The following CDH12 variants were observed in gnomAD, a reference collection of about 807,000 sequenced individuals.
CDH12 encodes cadherin-12.
In CDH12, 41 loss-of-function variants were observed where a neutral mutation model predicts 74.1. That is an observed-to-expected ratio of 0.55 (90% CI 0.43 to 0.72). CDH12 has a LOEUF of 0.72. Ranked by LOEUF, CDH12 falls within the 30% of genes least tolerant of loss-of-function variation. The pLI, the probability that CDH12 is intolerant of heterozygous loss-of-function variation, is 0.00. For synonymous variants in CDH12, 399 were observed against 355.0 expected (o/e 1.12, Z -1.39); for missense variants, 945 against 977.2 (o/e 0.97, Z 0.44).
At chr5:22,054,703 T>G (rs886576565) in intron 5 of CDH12, among the ~76,000 whole-genome samples, 12 of 152,162 alleles carry the variant, frequency 7.9e-5, no homozygotes, top group Admixed American at 5.9e-4. Context: ...AGTCTATTGA[T>G]GTGATTACCT....
intron 2 of CDH12, among the ~76,000 whole-genome samples, chr5:22,430,564 CCT>C (rs1744127378): frequency 6.6e-6 from 1 of 151,868 alleles, no homozygotes. Context: ...TTTTTTCCTC[CCT>C]GAGTGCTGCA....
In CDH12 at chr5:22,091,197, G is replaced by GTATATA. The variant is rs144921991; in HGVS notation, c.-186-12341_-186-12336dup. Among the ~76,000 whole-genome samples, 106 of 132,244 alleles carry GTATATA rather than the reference G, an allele frequency of 8.0e-4. 2 individuals are homozygous for GTATATA. The highest frequency in any genetic ancestry group is 3.6e-3 in the Admixed American group (47 of 13,160). 86.8% of individuals were successfully genotyped at this position (132,244 alleles called of 152,430 possible). ...AATATCCTAAAGTGTGTGTGTGTGTGTATATATATATATATATATATATAG... is the reference window on the plus strand; with the variant it reads ...AATATCCTAAAGTGTGTGTGTGTGTGTATATATATATATATATATATATATATATAG... On this transcript the variant is annotated intron_variant, in intron 4 of 14. Coordinates refer to ENST00000382254, the MANE Select transcript of CDH12 (RefSeq NM_004061.5).
chr5:22,729,554 T>C (rs966331326), intron 1 of CDH12, among the ~76,000 whole-genome samples: 1 of 151,872 alleles, frequency 6.6e-6, no homozygotes, highest in South Asian at 2.1e-4. Flanking sequence ...AGGCATAGAA[T>C]CATCTTGGGG....
At chr5:22,811,480 T>A (rs983530669) in intron 1 of CDH12, among the ~76,000 whole-genome samples, 2 of 152,104 alleles carry the variant, frequency 1.3e-5, no homozygotes, top group African/African-American at 4.8e-5. Context: ...CCTACAGGTG[T>A]GTTACAGTGA....
chr5:22,565,108 G>A lies in CDH12; in HGVS notation c.-522-59744C>T, dbSNP rs1739228206. ...GTGCCACCATGCCCAGCTGATTTTTGTATTCTTAGAAGAGATGGGGTTTCA... is the reference window on the plus strand; with the variant it reads ...GTGCCACCATGCCCAGCTGATTTTTATATTCTTAGAAGAGATGGGGTTTCA... On this transcript the variant is annotated intron_variant, in intron 1 of 14. Transcript: ENST00000382254. Among the ~76,000 whole-genome samples the A allele has an allele frequency of 2.0e-5, 3 of 151,940 alleles. No individual in the cohort carries two copies. In the South Asian group the frequency reaches 6.2e-4, roughly 31 times the overall value.
chr5:22,706,601 A>T (rs1325675139), intron 1 of CDH12, among the ~76,000 whole-genome samples: 3 of 151,910 alleles, frequency 2.0e-5, no homozygotes, highest in African/African-American at 4.8e-5. Flanking sequence ...TCAATTAGAG[A>T]GTATATAATA....
At chr5:22,492,763 G>A (rs975004719) in intron 2 of CDH12, among the ~76,000 whole-genome samples, 4 of 151,938 alleles carry the variant, frequency 2.6e-5, no homozygotes, top group African/African-American at 9.7e-5. Flanking sequence ...CTTAATGGCT[G>A]GCTCCTTCCA....
chr5:21,992,112 G>T (rs565497775), intron 5 of CDH12, among the ~76,000 whole-genome samples: 1 of 151,988 alleles, frequency 6.6e-6, no homozygotes, highest in South Asian at 2.1e-4. Flanking sequence ...AACACATTAA[G>T]AAAGGAATCA....
intron 4 of CDH12, among the ~76,000 whole-genome samples, chr5:22,083,776 T>A (rs1373103540): frequency 1.3e-5 from 2 of 152,094 alleles, no homozygotes; most frequent in Non-Finnish European, 2.9e-5. Context: ...TCCTCTACGG[T>A]GTTGCCCCTC....
At chr5:22,250,351 G>A in intron 3 of CDH12, among the ~76,000 whole-genome samples, 1 of 152,104 alleles carries the variant, frequency 6.6e-6, no homozygotes, top group East Asian at 1.9e-4. Flanking sequence ...ACTCAGAACC[G>A]TCTAAAAGTT....
At chr5:21,767,549 A>G (rs1349890238) in intron 11 of CDH12, among the ~76,000 whole-genome samples, 1 of 151,686 alleles carries the variant, frequency 6.6e-6, no homozygotes, top group Non-Finnish European at 1.5e-5. Flanking sequence ...AACTTCCCTG[A>G]TCACTAGATA....
At chr5:22,663,515 C>T (rs1395775263) in intron 1 of CDH12, among the ~76,000 whole-genome samples, 1 of 152,062 alleles carries the variant, frequency 6.6e-6, no homozygotes, top group African/African-American at 2.4e-5. Flanking sequence ...TTGCCATAGG[C>T]TATTATGAAA....
At chr5:22,400,100 A>G (rs1489784890) in intron 3 of CDH12, among the ~76,000 whole-genome samples, 1 of 152,082 alleles carries the variant, frequency 6.6e-6, no homozygotes, top group African/African-American at 2.4e-5. Flanking sequence ...AGTAACATAT[A>G]CTTCCCCCCT....
At chr5:21,981,366 A>G (rs1284094303) in intron 5 of CDH12, among the ~76,000 whole-genome samples, 1 of 151,948 alleles carries the variant, frequency 6.6e-6, no homozygotes, top group Non-Finnish European at 1.5e-5. Context: ...CCTAGTCTAT[A>G]TATTTTTTAC....
At chr5:22,043,724 A>G (rs562785966) in intron 5 of CDH12, among the ~76,000 whole-genome samples, 1 of 152,140 alleles carries the variant, frequency 6.6e-6, no homozygotes, top group South Asian at 2.1e-4. Context: ...AAAAACTGTT[A>G]GAACTGATTT....
intron 4 of CDH12, among the ~76,000 whole-genome samples, chr5:22,110,144 T>G (rs1744721654): frequency 6.6e-6 from 1 of 152,168 alleles, no homozygotes; most frequent in African/African-American, 2.4e-5. Flanking sequence ...AGGACATCTT[T>G]CCTATGAGAG....
At chr5:22,469,400 TC>T (rs987186949) in intron 2 of CDH12, among the ~76,000 whole-genome samples, 22 of 152,120 alleles carry the variant, frequency 1.4e-4, no homozygotes, top group African/African-American at 5.3e-4. Flanking sequence ...CCTCTCTCCT[TC>T]TCTTGTAGAA....
intron 11 of CDH12, among the ~76,000 whole-genome samples, chr5:21,781,666 G>A (rs772914370): frequency 6.6e-6 from 1 of 151,728 alleles, no homozygotes; most frequent in Admixed American, 6.6e-5. Context: ...GGAGGTTGCG[G>A]TGAGCCGAGA....
At chr5:22,651,717 A>G (rs912454858) in intron 1 of CDH12, among the ~76,000 whole-genome samples, 5 of 150,912 alleles carry the variant, frequency 3.3e-5, no homozygotes, top group African/African-American at 1.2e-4. Flanking sequence ...TTTTTTTCAG[A>G]GTAATAAAAT....
Sources: gnomAD v4.1 joint callset for allele counts (sites outside exome capture counted in the v4.1 genomes callset) on GRCh38, gnomAD v4.1.1 for gene constraint, MANE v1.5 for transcripts, NCBI Gene and HGNC (gene_info 2026-07-23, HGNC 2026-07-21) for gene names.